The following ZFYVE9 variants were observed in gnomAD, a reference collection of about 807,000 sequenced individuals.
ZFYVE9 encodes zinc finger FYVE-type containing 9, also known as zinc finger FYVE domain-containing protein 9.
ZFYVE9 carries 43 observed loss-of-function variants against 126.7 expected under a neutral mutation model. The ratio of observed to expected loss-of-function variants is 0.34; its 90% CI spans 0.27 to 0.44. ZFYVE9 has a LOEUF of 0.44. Ranked by LOEUF, ZFYVE9 falls within the 20% of genes least tolerant of loss-of-function variation. ZFYVE9 has a pLI of 1.00. For synonymous variants in ZFYVE9, 521 were observed against 597.4 expected, an observed-to-expected ratio of 0.87 and a Z score of 1.87; for missense variants, 1,476 against 1,697.0, an observed-to-expected ratio of 0.87 and a Z score of 2.29.
intron 1 of ZFYVE9, chr1:52,162,941 C>T (rs763556611): frequency 6.0e-6 from 3 of 500,102 alleles, no homozygotes; most frequent in Non-Finnish European, 1.2e-5. Flanking sequence ...TCCAATTTTA[C>T]ACAAGCAGGA....
intron 4 of ZFYVE9, among the ~76,000 whole-genome samples, chr1:52,252,505 G>A (rs531279774): frequency 1.3e-5 from 2 of 152,196 alleles, no homozygotes; most frequent in South Asian, 2.1e-4. Flanking sequence ...GACTACAGGC[G>A]TATGCCACCA....
At chr1:52,282,554 G>A (rs1049340537) in intron 10 of ZFYVE9, among the ~76,000 whole-genome samples, 5 of 152,016 alleles carry the variant, frequency 3.3e-5, no homozygotes, top group Admixed American at 2.6e-4. Flanking sequence ...GAGGGTGACC[G>A]GGGTATTAAA....
At chr1:52,263,116 G>A (rs1417672547) in intron 4 of ZFYVE9, among the ~76,000 whole-genome samples, 2 of 151,152 alleles carry the variant, frequency 1.3e-5, no homozygotes, top group East Asian at 1.9e-4. Flanking sequence ...ATCTTAACAG[G>A]AACAAAGGAG....
At chr1:52,231,806 T>C (rs1645225100) in intron 2 of ZFYVE9, among the ~76,000 whole-genome samples, 2 of 151,914 alleles carry the variant, frequency 1.3e-5, no homozygotes, top group Admixed American at 6.5e-5. Context: ...TGTGTATTTT[T>C]ACTAGAGACG....
At chr1:52,202,665 A>T (rs192571793) in intron 1 of ZFYVE9, among the ~76,000 whole-genome samples, 2,320 of 146,732 alleles carry the variant, frequency 0.016, 22 homozygotes, top group Middle Eastern at 0.031. Flanking sequence ...CAATTTTTTT[A>T]AAAAAAATTA....
intron 13 of ZFYVE9, among the ~76,000 whole-genome samples, chr1:52,322,176 T>G (rs1174990411): frequency 6.6e-6 from 1 of 152,184 alleles, no homozygotes; most frequent in African/African-American, 2.4e-5. Context: ...CTTTGAATCT[T>G]CTTTTCCTCA....
chr1:52,287,116 G>GTCTC (rs1645869081), intron 10 of ZFYVE9, among the ~76,000 whole-genome samples: 1 of 152,008 alleles, frequency 6.6e-6, no homozygotes, highest in Admixed American at 6.6e-5. Flanking sequence ...TTGAGGCAGA[G>GTCTC]TCTCGCTGTG....
At chr1:52,342,613 G>A (rs1204039525) in intron 17 of ZFYVE9, among the ~76,000 whole-genome samples, 1 of 150,002 alleles carries the variant, frequency 6.7e-6, no homozygotes, top group African/African-American at 2.5e-5. Context: ...TCGGCTGACT[G>A]CAACCTCTGC....
At chr1:52,291,550 T>C (rs149623980) in intron 10 of ZFYVE9, among the ~76,000 whole-genome samples, 38 of 152,284 alleles carry the variant, frequency 2.5e-4, no homozygotes, top group African/African-American at 8.9e-4. Context: ...ACTGTTTCAT[T>C]CACAAAAGTA....
At chr1:52,313,143 T>C (rs1269319487) in intron 13 of ZFYVE9, among the ~76,000 whole-genome samples, 1 of 152,216 alleles carries the variant, frequency 6.6e-6, no homozygotes, top group Non-Finnish European at 1.5e-5. Flanking sequence ...GATTTTGGGC[T>C]TGATTTTGGA....
chr1:52,320,633 G>C (rs534547564), intron 13 of ZFYVE9, among the ~76,000 whole-genome samples: 19 of 152,210 alleles, frequency 1.2e-4, no homozygotes, highest in African/African-American at 4.6e-4. Flanking sequence ...AAAATTAATT[G>C]GAAATGGTTC....
At chr1:52,179,515 T>G (rs1417767117) in intron 1 of ZFYVE9, among the ~76,000 whole-genome samples, 1 of 152,102 alleles carries the variant, frequency 6.6e-6, no homozygotes, top group African/African-American at 2.4e-5. Context: ...ATGCCTATAG[T>G]CCCAGCTACT....
At chr1:52,256,169 G>T in intron 4 of ZFYVE9, among the ~76,000 whole-genome samples, 1 of 150,886 alleles carries the variant, frequency 6.6e-6, no homozygotes, top group East Asian at 2.0e-4. Flanking sequence ...GGGTTCAAGT[G>T]ATTCTCCTGC....
chr1:52,166,926 A>C (rs1210560183), intron 1 of ZFYVE9, among the ~76,000 whole-genome samples: 2 of 152,214 alleles, frequency 1.3e-5, no homozygotes. Context: ...CTTACATTTC[A>C]TGCTTATTTA....
chr1:52,270,454 T>C (rs558350014), intron 7 of ZFYVE9, among the ~76,000 whole-genome samples: 57 of 152,112 alleles, frequency 3.7e-4, no homozygotes, highest in East Asian at 1.5e-3. Flanking sequence ...TTAGTAGAGA[T>C]GGGGTTTCAC....
intron 5 of ZFYVE9, among the ~76,000 whole-genome samples, chr1:52,265,314 T>G (rs1287174635): frequency 6.6e-6 from 1 of 152,200 alleles, no homozygotes; most frequent in Non-Finnish European, 1.5e-5. Flanking sequence ...CTGCCAGTGC[T>G]TTCAAAGGAA....
intron 4 of ZFYVE9, among the ~76,000 whole-genome samples, chr1:52,246,518 C>T (rs1329834928): frequency 1.3e-5 from 2 of 149,438 alleles, no homozygotes; most frequent in African/African-American, 5.0e-5. Context: ...TTTTTTTTAT[C>T]CTGTTTTTTT....
chr1:52,198,285 GAAAATTTTTGT>G (rs1644884181), intron 1 of ZFYVE9, among the ~76,000 whole-genome samples: 1 of 151,654 alleles, frequency 6.6e-6, no homozygotes, highest in South Asian at 2.1e-4. Flanking sequence ...ACCACGCTCA[GAAAATTTTTGT>G]ATTTTTAGTA....
intron 13 of ZFYVE9, among the ~76,000 whole-genome samples, chr1:52,316,462 G>A (rs1224516593): frequency 1.3e-5 from 2 of 149,548 alleles, no homozygotes; most frequent in Non-Finnish European, 3.0e-5. Flanking sequence ...TCCAGCCTGG[G>A]CGACAGAGTG....
Sources: gnomAD v4.1 joint callset for allele counts (sites outside exome capture counted in the v4.1 genomes callset) on GRCh38, gnomAD v4.1.1 for gene constraint, MANE v1.5 for transcripts, NCBI Gene and HGNC (gene_info 2026-07-23, HGNC 2026-07-21) for gene names.